CCDC102B: variants seen among roughly 807,000 people sequenced by gnomAD.
CCDC102B encodes the protein coiled-coil domain-containing protein 102B.
Under a neutral mutation model 57.4 loss-of-function variants are expected in CCDC102B, and 75 were observed. The observed-to-expected ratio is 1.31, with a 90% CI of 1.08 to 1.58. CCDC102B has a LOEUF of 1.58. Among genes scored for constraint, CCDC102B ranks in the 40% most tolerant of loss-of-function variants. The pLI is 0.00. For synonymous variants in CCDC102B, 206 were observed against 201.9 expected, an observed-to-expected ratio of 1.02 and a Z score of -0.17; for missense variants, 636 against 582.6, an observed-to-expected ratio of 1.09 and a Z score of -0.94.
At chr18:68,892,209 C>A (rs946724255) in intron 5 of CCDC102B, among the ~76,000 whole-genome samples, 17 of 152,104 alleles carry the variant, frequency 1.1e-4, no homozygotes, top group African/African-American at 4.1e-4. Context: ...TTCCAAGATA[C>A]CCCTTGCAAT....
intron 2 of CCDC102B, among the ~76,000 whole-genome samples, chr18:68,751,139 A>G (rs754692345): frequency 1.3e-5 from 2 of 152,202 alleles, no homozygotes; most frequent in Non-Finnish European, 2.9e-5. Flanking sequence ...GTTCTCATAC[A>G]GTCACTTCTC....
chr18:68,769,835 A>G (rs2034583521), intron 2 of CCDC102B, among the ~76,000 whole-genome samples: 1 of 152,224 alleles, frequency 6.6e-6, no homozygotes, highest in Non-Finnish European at 1.5e-5. Context: ...TCCTTAAAGG[A>G]CATATTGAAC....
chr18:68,838,402 AT>A (rs1361239582), intron 2 of CCDC102B: 1 of 985,000 alleles, frequency 1.0e-6, no homozygotes, highest in East Asian at 1.1e-4. Context: ...ATTAAAAATT[AT>A]TTACAGCTGT....
At chr18:68,716,345 A>C (rs2031990329) in intron 1 of CCDC102B, among the ~76,000 whole-genome samples, 1 of 152,036 alleles carries the variant, frequency 6.6e-6, no homozygotes, top group African/African-American at 2.4e-5. Flanking sequence ...CAGCATGCAA[A>C]GTGAAATAAT....
chr18:68,908,465 C>G (rs1344688307), intron 6 of CCDC102B: 5 of 152,164 alleles, frequency 3.3e-5, no homozygotes, highest in African/African-American at 1.2e-4. Flanking sequence ...ATGGACACTT[C>G]AAGCTGCCTA....
intron 5 of CCDC102B, among the ~76,000 whole-genome samples, chr18:68,889,309 G>A (rs764033265): frequency 7.9e-5 from 12 of 152,146 alleles, no homozygotes; most frequent in Non-Finnish European, 1.6e-4. Context: ...GAAGACACAT[G>A]GAGAATACAT....
intron 2 of CCDC102B, among the ~76,000 whole-genome samples, chr18:68,775,007 G>A (rs1307696009): frequency 6.7e-6 from 1 of 150,232 alleles, no homozygotes; most frequent in East Asian, 1.9e-4. Flanking sequence ...ACATAATCAT[G>A]TGTTGCCTTT....
At chr18:68,947,543 T>C (rs2049575759) in intron 6 of CCDC102B, among the ~76,000 whole-genome samples, 1 of 152,250 alleles carries the variant, frequency 6.6e-6, no homozygotes, top group African/African-American at 2.4e-5. Context: ...ATTTTTATGC[T>C]GTATGTTCAT....
At chr18:68,965,351 T>G (rs1244742193) in intron 6 of CCDC102B, among the ~76,000 whole-genome samples, 1 of 151,750 alleles carries the variant, frequency 6.6e-6, no homozygotes, top group Non-Finnish European at 1.5e-5. Context: ...TGCTGAGCTA[T>G]TGATTTTTAA....
chr18:68,829,311 A>G (rs2037048106), intron 1 of CCDC102B, among the ~76,000 whole-genome samples: 1 of 151,978 alleles, frequency 6.6e-6, no homozygotes, highest in African/African-American at 2.4e-5. Context: ...GAGTATTTGG[A>G]TATACGCACA....
At position 68,956,448 on chromosome 18, in the gene CCDC102B, T is replaced by C. The variant is rs1359256579; in HGVS notation, c.1264-54486T>C. Reference sequence around the variant, plus strand: ...TATTATACATTTTATATATATTATATATATTATATATTTTATATATATATT... The same window carrying C: ...TATTATACATTTTATATATATTATACATATTATATATTTTATATATATATT... On this transcript the variant is annotated intron_variant, in intron 6 of 7. Transcript: ENST00000360242. Among the ~76,000 whole-genome samples, 10 of 14,166 alleles carry C rather than the reference T, an allele frequency of 7.1e-4. No homozygotes were observed. In the South Asian group the frequency reaches 0.022, roughly 31 times the overall value. The allele number at this position is 14,166 out of a possible 152,430, so 9.3% of individuals were successfully genotyped here.
At chr18:68,828,660 C>G (rs115758756) in intron 1 of CCDC102B, among the ~76,000 whole-genome samples, 3,056 of 151,448 alleles carry the variant, frequency 0.02, 103 homozygotes, top group African/African-American at 0.07. Context: ...TAAGTTCCTA[C>G]CACAGGAAAC....
At chr18:68,872,640 TCTTA>T (rs1032366357) in intron 4 of CCDC102B, among the ~76,000 whole-genome samples, 17 of 152,076 alleles carry the variant, frequency 1.1e-4, no homozygotes, top group African/African-American at 4.1e-4. Flanking sequence ...CACCATGATC[TCTTA>T]CTTCAGTTAT....
At chr18:68,762,709 T>C (rs1485664221) in intron 2 of CCDC102B, among the ~76,000 whole-genome samples, 1 of 152,190 alleles carries the variant, frequency 6.6e-6, no homozygotes, top group Admixed American at 6.6e-5. Flanking sequence ...CCTGTGATAC[T>C]GTGAAGAAGG....
chr18:68,881,829 A>G (rs2039703773), intron 5 of CCDC102B, among the ~76,000 whole-genome samples: 1 of 152,010 alleles, frequency 6.6e-6, no homozygotes, highest in South Asian at 2.1e-4. Context: ...CACGCCCTTG[A>G]CCACTATGTG....
chr18:68,770,838 G>T (rs116778737), intron 2 of CCDC102B, among the ~76,000 whole-genome samples: 1,889 of 152,326 alleles, frequency 0.012, 40 homozygotes, highest in African/African-American at 0.043. Flanking sequence ...AAAGAAGAAA[G>T]AATTTTCTGT....
intron 2 of CCDC102B, among the ~76,000 whole-genome samples, chr18:68,721,969 A>G (rs1038211716): frequency 6.6e-6 from 1 of 152,222 alleles, no homozygotes; most frequent in Non-Finnish European, 1.5e-5. Flanking sequence ...ACCTGCTACA[A>G]CTAAGAAGAT....
At chr18:68,763,355 T>C (rs2034316340) in intron 2 of CCDC102B, among the ~76,000 whole-genome samples, 1 of 152,136 alleles carries the variant, frequency 6.6e-6, no homozygotes, top group Non-Finnish European at 1.5e-5. Flanking sequence ...AGTTACCATA[T>C]GCATGCATGG....
At chr18:68,851,329 G>A (rs906767726) in intron 4 of CCDC102B, among the ~76,000 whole-genome samples, 1 of 152,076 alleles carries the variant, frequency 6.6e-6, no homozygotes, top group African/African-American at 2.4e-5. Flanking sequence ...ATGAAAATCT[G>A]TTCAGCTTGT....
Sources: allele counts gnomAD v4.1 joint callset (sites outside exome capture counted in the v4.1 genomes callset), GRCh38; gene constraint gnomAD v4.1.1; transcripts MANE v1.5; gene names NCBI Gene and HGNC (gene_info 2026-07-23, HGNC 2026-07-21).